The following ITK variants were observed in gnomAD, a reference collection of about 807,000 sequenced individuals.
ITK encodes the protein IL2 inducible T cell kinase.
In ITK, 45 loss-of-function variants were observed where a neutral mutation model predicts 87.6. The ratio of observed to expected loss-of-function variants is 0.51; its 90% confidence interval spans 0.40 to 0.66. The LOEUF is 0.66. ITK is among the 30% of genes least tolerant of loss of function. ITK has a pLI of 0.00. For missense variants in ITK, 605 were observed against 766.3 expected, an observed-to-expected ratio of 0.79 and a Z score of 2.48; for synonymous variants, 303 against 273.6, an observed-to-expected ratio of 1.11 and a Z score of -1.06.
At chr5:157,195,026 C>T (rs1005138877) in intron 1 of ITK, 2 of 152,180 alleles carry the variant, frequency 1.3e-5, no homozygotes, top group African/African-American at 4.8e-5. Flanking sequence ...CCACAGAGTC[C>T]AGGGCACTTG....
At position 157,244,349 on chromosome 5, in the gene ITK, C is replaced by A. The variant is rs139927533; in HGVS notation, c.1320C>A (p.His440Gln). The A allele has an allele frequency of 6.2e-7, 1 of 1,613,876 alleles. No homozygotes were observed. The highest frequency in any genetic ancestry group is 1.3e-5 in the African/African-American group (1 of 74,912). Residue 440 changes from histidine to glutamine, a missense_variant, in exon 13 of 17, where the codon CAC becomes CAA. By Grantham distance (24) the His-to-Gln change is conservative. This residue lies in a region of ITK where 464 missense variants were observed against 578.0 expected (regional missense o/e 0.80). Transcript: ENST00000422843. ...GCCTGGTGTTTGAGTTCATGGAGCA[C>A]GGCTGCCTGTCAGATTATCTACGCA... is the stretch of plus-strand genomic sequence containing the variant. ...PICLVFEFME[H>Q]GCLSDYLRTQ...
At chr5:157,244,220 G>A (rs757156082) in intron 12 of ITK, 42 bp from the exon 13 acceptor site, 2 of 1,512,704 alleles carry the variant, frequency 1.3e-6, no homozygotes, top group South Asian at 2.2e-5. Flanking sequence ...ATTTTTGGGA[G>A]ACTGAGTTTA....
chr5:157,210,531 GT>G (rs11448931), intron 2 of ITK, among the ~76,000 whole-genome samples: 4,944 of 147,268 alleles, frequency 0.034, 252 homozygotes, highest in African/African-American at 0.12. Flanking sequence ...CAATCTCTTG[GT>G]TTTTTTTTTT....
chr5:157,228,570 A>C (rs1175011480), intron 7 of ITK, among the ~76,000 whole-genome samples: 1 of 152,246 alleles, frequency 6.6e-6, no homozygotes, highest in African/African-American at 2.4e-5. Context: ...TAGGGATAGA[A>C]CAAAAAGGAA....
chr5:157,211,212 G>T, intron 2 of ITK, 75 bp from the exon 3 acceptor site: 1 of 1,244,954 alleles, frequency 8.0e-7, no homozygotes, highest in Non-Finnish European at 1.2e-6. Context: ...CCCCACTCTC[G>T]GCTCAGTAGG....
intron 6 of ITK, among the ~76,000 whole-genome samples, chr5:157,223,277 A>T (rs1580894521): frequency 6.7e-6 from 1 of 149,782 alleles, no homozygotes; most frequent in Non-Finnish European, 1.5e-5. Context: ...CATCTAAAAA[A>T]CCCCCTGGAT....
In ITK at chr5:157,186,569, G is replaced by A. The variant is rs140061094; in HGVS notation, c.138+5454G>A. 8.3e-3 allele frequency among the ~76,000 whole-genome samples: 1,256 copies of A among 152,132 alleles called. 13 individuals are homozygous for A. The highest frequency in any genetic ancestry group is 0.029 in the African/African-American group (1,185 of 41,500). ...CAGATGCCTGTAATCCCAGCTACTC[G>A]GGAGGCTGAAGCAGGAGAATTGCTT... On this transcript the variant is annotated intron_variant, in intron 1 of 16. Transcript: ENST00000422843.
intron 1 of ITK, among the ~76,000 whole-genome samples, chr5:157,206,585 G>A (rs1754083901): frequency 1.3e-5 from 2 of 152,072 alleles, no homozygotes; most frequent in South Asian, 2.1e-4. Flanking sequence ...ATTTGTTCAG[G>A]GAATTAATTT....
Position 157,241,655 on chromosome 5 carries a change from C to A in ITK, c.995C>A (p.Thr332Asn). 1 of 1,613,832 alleles carries A rather than the reference C, an allele frequency of 6.2e-7. No homozygotes were observed. The highest frequency in any genetic ancestry group is 2.2e-5 in the East Asian group (1 of 44,872). The change falls in exon 11 of 17, where the codon ACT (threonine) becomes AAT (asparagine). Residue 332 changes from threonine (T) to asparagine (N), a missense_variant. Thr to Asn is a moderately conservative substitution (Grantham distance 65). Coordinates refer to ENST00000422843, the MANE Select transcript of ITK (RefSeq NM_005546.4). ...TTTTCAATCAACCCAGGCCTGGTGACTCGACTCCGGTATCCAGTTTGTTTT... is the reference window on the plus strand; with the variant it reads ...TTTTCAATCAACCCAGGCCTGGTGAATCGACTCCGGTATCCAGTTTGTTTT... ...YHQHNGGGLV[T>N]RLRYPVCFGR... is the part of the protein sequence containing the mutation.
At position 157,243,092 on chromosome 5, in the gene ITK, G is replaced by A. The variant is rs537623225; in HGVS notation, c.1061-531G>A. On this transcript the variant is annotated intron_variant, in intron 11 of 16. Coordinates refer to ENST00000422843, the MANE Select transcript of ITK (RefSeq NM_005546.4). ...TCAGCCTACTCATTTTGTTGGTGAG[G>A]AAATTGAGCCTCGGAATCTCGTATT... Among the ~76,000 whole-genome samples the A allele has an allele frequency of 3.3e-5, 5 of 152,346 alleles. No homozygotes were observed. The South Asian group carries it at 6.2e-4, about 19-fold the overall frequency.
intron 16 of ITK, among the ~76,000 whole-genome samples, 157 bp downstream of exon 16, chr5:157,249,164 A>AT (rs1316634600): frequency 6.6e-6 from 1 of 152,336 alleles, no homozygotes; most frequent in Non-Finnish European, 1.5e-5. Flanking sequence ...AACGGGATAG[A>AT]TCCCCCATCC....
intron 1 of ITK, among the ~76,000 whole-genome samples, chr5:157,208,517 A>C (rs1754124833): frequency 6.6e-6 from 1 of 152,182 alleles, no homozygotes; most frequent in South Asian, 2.1e-4. Flanking sequence ...TACTATGCTA[A>C]TATGGTCATG....
At chr5:157,208,806 T>C in intron 1 of ITK, 83 bp from the exon 2 acceptor site, 2 of 943,690 alleles carry the variant, frequency 2.1e-6, no homozygotes, top group African/African-American at 1.6e-5. Flanking sequence ...ATGGATCTTA[T>C]CTAGCAGTAG....
intron 1 of ITK, among the ~76,000 whole-genome samples, chr5:157,193,714 A>T (rs1753794757): frequency 6.6e-6 from 1 of 152,168 alleles, no homozygotes. Flanking sequence ...TGGGTCTGAT[A>T]AGTCTTTTAA....
At chr5:157,201,545 C>A (rs1447828982) in intron 1 of ITK, among the ~76,000 whole-genome samples, 2 of 152,040 alleles carry the variant, frequency 1.3e-5, no homozygotes, top group African/African-American at 4.8e-5. Context: ...AATCCACCTG[C>A]CTCAACCTCC....
At chr5:157,202,907 T>A (rs1396388241) in intron 1 of ITK, among the ~76,000 whole-genome samples, 1 of 152,234 alleles carries the variant, frequency 6.6e-6, no homozygotes, top group Non-Finnish European at 1.5e-5. Context: ...CTGTTCACAA[T>A]TCCAGTTAAT....
In ITK at chr5:157,254,415, A is replaced by G. The variant is rs1396741319; in HGVS notation, c.*1737A>G. The G allele has an allele frequency of 4.5e-6, 1 of 222,712 alleles. No homozygotes were observed. The highest frequency in any genetic ancestry group is 9.0e-6 in the Non-Finnish European group (1 of 111,490). 13.8% of individuals were successfully genotyped at this position (222,712 alleles called of 1,614,324 possible). On this transcript the variant is annotated 3_prime_UTR_variant, in exon 17 of 17. Transcript: ENST00000422843. ...GCAACTTTAAAAGATTCTTCTGTAGAAGTATGAGTTCTTCCTTTAATTATC... is the reference window on the plus strand; with the variant it reads ...GCAACTTTAAAAGATTCTTCTGTAGGAGTATGAGTTCTTCCTTTAATTATC...
chr5:157,217,756 T>C, intron 4 of ITK, 111 bp from the exon 5 acceptor site: 1 of 891,810 alleles, frequency 1.1e-6, no homozygotes, highest in South Asian at 1.4e-5. Context: ...CCCTTTCTTC[T>C]GTTGTTTTCC....
At chr5:157,185,040 C>T (rs974155040) in intron 1 of ITK, among the ~76,000 whole-genome samples, 4 of 152,142 alleles carry the variant, frequency 2.6e-5, no homozygotes, top group African/African-American at 9.7e-5. Context: ...GAACCATCTC[C>T]TGCTTGCAGC....
Sources: gnomAD v4.1 joint callset for allele counts (sites outside exome capture counted in the v4.1 genomes callset) on GRCh38, gnomAD v4.1.1 for gene constraint, gnomAD v4.1.1 regional missense constraint, MANE v1.5 for transcripts, NCBI Gene and HGNC (gene_info 2026-07-23, HGNC 2026-07-21) for gene names.